TRAPPC8: variants seen among roughly 807,000 people sequenced by gnomAD.
TRAPPC8 encodes the protein general sporulation gene 1 homolog.
TRAPPC8 carries 54 observed loss-of-function variants against 174.3 expected under a neutral mutation model. The ratio of observed to expected loss-of-function variants is 0.31; its 90% CI spans 0.25 to 0.39. The LOEUF (loss-of-function observed/expected upper bound fraction) is 0.39, where lower values mean the gene tolerates loss of function less well. Among genes scored for constraint, TRAPPC8 ranks in the 10% least tolerant of loss-of-function variants. The pLI, the probability that TRAPPC8 is intolerant of heterozygous loss-of-function variation, is 1.00. For missense variants in TRAPPC8, 1,531 were observed against 1,699.1 expected (o/e 0.90, Z 1.74); for synonymous variants, 630 against 579.9 (o/e 1.09, Z -1.24).
At chr18:31,932,285 G>C (rs1355260574) in intron 1 of TRAPPC8, among the ~76,000 whole-genome samples, 1 of 152,034 alleles carries the variant, frequency 6.6e-6, no homozygotes, top group Non-Finnish European at 1.5e-5. Context: ...AAATTAGCTG[G>C]GTATGGTGGC....
At chr18:31,939,365 T>G (rs2144326286) in intron 1 of TRAPPC8, 1 of 152,266 alleles carries the variant, frequency 6.6e-6, no homozygotes, top group South Asian at 2.1e-4. Context: ...TTTCAGACCC[T>G]CAAGAATCTA....
At chr18:31,942,099 A>G (rs561157402) in intron 1 of TRAPPC8, among the ~76,000 whole-genome samples, 1 of 152,364 alleles carries the variant, frequency 6.6e-6, no homozygotes, top group African/African-American at 2.4e-5. Flanking sequence ...AGAATATATT[A>G]GTAAAACAGC....
At chr18:31,874,950 GA>G (rs1333021121) in intron 12 of TRAPPC8, among the ~76,000 whole-genome samples, 16 of 152,182 alleles carry the variant, frequency 1.1e-4, no homozygotes, top group African/African-American at 3.6e-4. Flanking sequence ...CCTAAAGGAA[GA>G]AAAGGGAGGC....
At chr18:31,872,490 G>A (rs2034917077) in intron 14 of TRAPPC8, among the ~76,000 whole-genome samples, 1 of 151,456 alleles carries the variant, frequency 6.6e-6, no homozygotes, top group African/African-American at 2.4e-5. Context: ...GCGAGATCTC[G>A]GCTACTGCAA....
At chr18:31,913,055 G>A (rs751822988) in intron 5 of TRAPPC8, among the ~76,000 whole-genome samples, 23 of 151,782 alleles carry the variant, frequency 1.5e-4, no homozygotes, top group Admixed American at 6.6e-4. Flanking sequence ...TTAAACCTGA[G>A]AGGCGGAGGT....
intron 25 of TRAPPC8, among the ~76,000 whole-genome samples, chr18:31,847,665 T>C (rs1269049640): frequency 6.6e-6 from 1 of 152,196 alleles, no homozygotes; most frequent in Non-Finnish European, 1.5e-5. Context: ...GTTCAGCGTC[T>C]ATATTTGCAA....
chr18:31,864,028 G>A lies in TRAPPC8; in HGVS notation c.2745+599C>T, dbSNP rs972580623. Among the ~76,000 whole-genome samples the A allele has an allele frequency of 1.1e-4, 16 of 147,082 alleles. No homozygotes were observed. In the South Asian group the frequency reaches 3.2e-3, roughly 29 times the overall value. On this transcript the variant is annotated intron_variant, in intron 19 of 28. Transcript: ENST00000283351. ...TTATTATAATATGTTATTATAATATGTTCTATAAAATATAAAATATATATT... is the reference window on the plus strand; with the variant it reads ...TTATTATAATATGTTATTATAATATATTCTATAAAATATAAAATATATATT...
intron 19 of TRAPPC8, among the ~76,000 whole-genome samples, chr18:31,861,817 T>C (rs141645956): frequency 6.6e-6 from 1 of 150,828 alleles, no homozygotes; most frequent in Non-Finnish European, 1.5e-5. Context: ...CATCCACCTG[T>C]AGTCCCAGCT....
rs554056404 is a variant in TRAPPC8 at position 31,890,900 on chromosome 18, T to C, written c.1597-34A>G. 8.3e-6 allele frequency: 13 copies of C among 1,570,828 alleles called. No individual in the cohort carries two copies. The East Asian group carries it at 3.0e-4, about 36-fold the overall frequency. ...TGTTTAAAAGAGAAAAAGGTTAGTT[T>C]CACCAAGTTAAAAGTAAATAGATAA... On this transcript the variant is annotated intron_variant, in intron 11 of 28. Transcript: ENST00000283351.
intron 6 of TRAPPC8, chr18:31,909,464 C>T (rs2036814919): frequency 9.4e-6 from 6 of 638,866 alleles, no homozygotes; most frequent in Non-Finnish European, 1.2e-5. Context: ...GAAATCTATA[C>T]ACTACTCATA....
intron 22 of TRAPPC8, 81 bp from the exon 23 acceptor site, chr18:31,852,744 G>A (rs2033778501): frequency 3.8e-6 from 4 of 1,066,602 alleles, no homozygotes; most frequent in Non-Finnish European, 4.2e-6. Context: ...AGACTTCCTT[G>A]GTCAAAATAG....
At chr18:31,847,131 TTTTC>T (rs2033451223) in intron 25 of TRAPPC8, among the ~76,000 whole-genome samples, 2 of 152,228 alleles carry the variant, frequency 1.3e-5, no homozygotes, top group African/African-American at 4.8e-5. Context: ...ACACAAGCTG[TTTTC>T]TTTATTGAAC....
Position 31,901,037 on chromosome 18 carries a change from G to A in TRAPPC8, c.1390-12C>T. ...ACTGCTGCCATTTCCTAAAATAAAA[G>A]ACATAGTTTACATATTTCAAAAGAA... On this transcript the variant is annotated splice_polypyrimidine_tract_variant and intron_variant, in intron 9 of 28. Transcript: ENST00000283351. 1.3e-6 allele frequency: 2 copies of A among 1,574,378 alleles called. No individual in the cohort carries two copies. The highest frequency in any genetic ancestry group is 1.7e-6 in the Non-Finnish European group (2 of 1,166,144).
intron 2 of TRAPPC8, among the ~76,000 whole-genome samples, chr18:31,917,922 G>A (rs530871761): frequency 3.6e-4 from 55 of 152,126 alleles, no homozygotes; most frequent in African/African-American, 1.3e-3. Flanking sequence ...TCAGGAGTTC[G>A]AGACCAGCCT....
intron 12 of TRAPPC8, among the ~76,000 whole-genome samples, chr18:31,881,377 C>T (rs372662418): frequency 2.6e-5 from 4 of 151,998 alleles, no homozygotes; most frequent in South Asian, 4.1e-4. Context: ...GTCTACAAAA[C>T]TAAGCAATGG....
At chr18:31,870,580 C>T (rs2145194949) in intron 15 of TRAPPC8, 78 bp from the exon 16 acceptor site, 9 of 1,468,272 alleles carry the variant, frequency 6.1e-6, no homozygotes, top group Admixed American at 2.0e-5. Flanking sequence ...CTAAATGCAT[C>T]TTGCTTTCAT....
chr18:31,900,849 G>T, intron 10 of TRAPPC8, 76 bp downstream of exon 10: 1 of 1,163,802 alleles, frequency 8.6e-7, no homozygotes, highest in Non-Finnish European at 1.2e-6. Flanking sequence ...TGGGAGTTTA[G>T]GAATGGGGAA....
chr18:31,908,772 A>G lies in TRAPPC8; in HGVS notation c.1104T>C (p.Ile368=), dbSNP rs774686066. The G allele has an allele frequency of 1.9e-5, 30 of 1,603,638 alleles. No individual in the cohort carries two copies. The highest frequency in any genetic ancestry group is 2.4e-5 in the Non-Finnish European group (28 of 1,173,478). ...RGLLPHIEKT[I]RQLNDQLISR... ...ACCTTACCTGATCGTTTAATTGCCT[A>G]ATTGTTTTCTCTATATGTGGCAAAA... Residue 368 remains isoleucine (I), a synonymous_variant, in exon 7 of 29, where the codon ATT becomes ATC. Coordinates refer to ENST00000283351, the MANE Select transcript of TRAPPC8 (RefSeq NM_014939.5).
chr18:31,937,726 CAG>C (rs1171897813), intron 1 of TRAPPC8: 4 of 152,004 alleles, frequency 2.6e-5, no homozygotes, highest in Non-Finnish European at 5.9e-5. Flanking sequence ...TTTTTTGAGA[CAG>C]AGTCTCGCTC....
Sources: gnomAD v4.1 joint callset for allele counts (sites outside exome capture counted in the v4.1 genomes callset) on GRCh38, gnomAD v4.1.1 for gene constraint, MANE v1.5 for transcripts, NCBI Gene and HGNC (gene_info 2026-07-23, HGNC 2026-07-21) for gene names.